SIPA1L1: variants seen among roughly 807,000 people sequenced by gnomAD.
SIPA1L1 encodes the protein signal-induced proliferation-associated 1-like protein 1.
A neutral mutation model predicts 162.7 loss-of-function variants in SIPA1L1; 26 were observed. The observed-to-expected ratio is 0.16, with a 90% CI of 0.12 to 0.22. SIPA1L1 has a LOEUF of 0.22. Among genes scored for constraint, SIPA1L1 ranks in the 10% least tolerant of loss-of-function variants. The pLI, the probability that SIPA1L1 is intolerant of heterozygous loss-of-function variation, is 1.00. For missense variants in SIPA1L1, 1,874 were observed against 2,241.0 expected, an observed-to-expected ratio of 0.84 and a Z score of 3.31; for synonymous variants, 829 against 837.4, an observed-to-expected ratio of 0.99 and a Z score of 0.17.
intron 6 of SIPA1L1, among the ~76,000 whole-genome samples, chr14:71,619,980 C>T (rs569953308): frequency 3.0e-4 from 45 of 152,258 alleles, no homozygotes; most frequent in African/African-American, 1.1e-3. Flanking sequence ...TTTTTGAGCA[C>T]AAAGGCACGA....
chr14:71,567,893 G>C (rs1448198755), intron 4 of SIPA1L1, among the ~76,000 whole-genome samples: 1 of 152,222 alleles, frequency 6.6e-6, no homozygotes, highest in Non-Finnish European at 1.5e-5. Flanking sequence ...CCCCTTTTTA[G>C]ACCATATAGG....
At chr14:71,365,648 G>A (rs1488515925) in intron 2 of SIPA1L1, among the ~76,000 whole-genome samples, 1 of 151,708 alleles carries the variant, frequency 6.6e-6, no homozygotes, top group Non-Finnish European at 1.5e-5. Flanking sequence ...ATATATTATT[G>A]CATTCTTCCT....
At chr14:71,698,657 T>G (rs1047886155) in intron 13 of SIPA1L1, among the ~76,000 whole-genome samples, 7 of 152,232 alleles carry the variant, frequency 4.6e-5, no homozygotes, top group Admixed American at 4.6e-4. Context: ...TCAATTATCT[T>G]CTGCTCTGCC....
At chr14:71,482,803 G>A (rs929739080) in intron 2 of SIPA1L1, among the ~76,000 whole-genome samples, 3 of 152,324 alleles carry the variant, frequency 2.0e-5, no homozygotes, top group African/African-American at 7.2e-5. Context: ...CTTTTAGCCA[G>A]TTGGTAGATT....
intron 4 of SIPA1L1, among the ~76,000 whole-genome samples, chr14:71,553,570 A>C (rs577863959): frequency 6.6e-6 from 1 of 152,258 alleles, no homozygotes; most frequent in East Asian, 1.9e-4. Context: ...TTCAGAGCTT[A>C]TTTTTTCTTA....
At position 71,377,702 on chromosome 14, in the gene SIPA1L1, AGTG is replaced by A. The variant is rs1453428380; in HGVS notation, c.-465+56522_-465+56524del. Among the ~76,000 whole-genome samples, 1 of 152,204 alleles carries A rather than the reference AGTG, an allele frequency of 6.6e-6. No homozygotes were observed. Among genetic ancestry groups the A allele is most frequent in the African/African-American group, 2.4e-5 (1 of 41,462 alleles). On this transcript the variant is annotated intron_variant, in intron 2 of 23. Transcript: ENST00000381232. This position sits in a 1 kb window ranked among gnomAD's most constrained non-coding sequence, Gnocchi z 4.8. ...CGTGGGCAACATTGAGCACTGAGTG[AGTG>A]AGACTCCGTCTGCAATCCTGGCACC...
intron 2 of SIPA1L1, among the ~76,000 whole-genome samples, chr14:71,494,677 C>G (rs1297013345): frequency 6.6e-6 from 1 of 152,056 alleles, no homozygotes; most frequent in African/African-American, 2.4e-5. Flanking sequence ...TAGGCACACG[C>G]AACCTCATCC....
chr14:71,710,729 A>G (rs1000968969), intron 17 of SIPA1L1, among the ~76,000 whole-genome samples: 1 of 149,638 alleles, frequency 6.7e-6, no homozygotes, highest in African/African-American at 2.5e-5. Context: ...AATCGCTTGA[A>G]CCCAGGAGGC....
intron 20 of SIPA1L1, among the ~76,000 whole-genome samples, chr14:71,732,954 T>A: frequency 6.6e-6 from 1 of 152,258 alleles, no homozygotes; most frequent in East Asian, 1.9e-4. Context: ...GGCTCACGCC[T>A]GTAATCCTAG....
At chr14:71,354,307 TCACG>T in intron 2 of SIPA1L1, among the ~76,000 whole-genome samples, 1 of 145,594 alleles carries the variant, frequency 6.9e-6, no homozygotes. Flanking sequence ...TGAGATGGAG[TCACG>T]CTCTGTTGCC....
rs568393045 is a variant in SIPA1L1 at position 71,632,326 on chromosome 14, C to T, written c.1818+8090C>T. Among the ~76,000 whole-genome samples the T allele has an allele frequency of 6.6e-5, 10 of 152,238 alleles. No individual in the cohort carries two copies. In the South Asian group the frequency reaches 2.1e-3, roughly 32 times the overall value. On this transcript the variant is annotated intron_variant, in intron 7 of 23. Transcript: ENST00000381232. ...TGAAGAAGTCAGCAAACTGGAAATG[C>T]CTATAGGCACAGCCAAAATGTCCCC...
chr14:71,599,105 A>T (rs1042596180), intron 5 of SIPA1L1, among the ~76,000 whole-genome samples: 1 of 149,546 alleles, frequency 6.7e-6, no homozygotes, highest in Non-Finnish European at 1.5e-5. Flanking sequence ...AATGATCTGC[A>T]GTTCCATCCA....
intron 2 of SIPA1L1, among the ~76,000 whole-genome samples, chr14:71,358,900 A>T (rs758132528): frequency 3.5e-4 from 53 of 152,148 alleles, no homozygotes; most frequent in Non-Finnish European, 1.3e-4. Flanking sequence ...CACCAAAGGG[A>T]TGGTGCTAAA....
chr14:71,690,989 C>G (rs907828355), intron 13 of SIPA1L1, among the ~76,000 whole-genome samples: 2 of 152,210 alleles, frequency 1.3e-5, no homozygotes, highest in Non-Finnish European at 2.9e-5. Flanking sequence ...GTGTGTTACC[C>G]ACCTTGGTGG....
At chr14:71,683,132 C>T (rs1202365210) in intron 12 of SIPA1L1, among the ~76,000 whole-genome samples, 5 of 152,040 alleles carry the variant, frequency 3.3e-5, no homozygotes, top group Admixed American at 2.6e-4. Flanking sequence ...CCAGCCTAGG[C>T]GACACAGCAA....
At chr14:71,330,263 A>G in intron 2 of SIPA1L1, 1 of 693,874 alleles carries the variant, frequency 1.4e-6, no homozygotes, top group South Asian at 1.6e-5. Context: ...GGCTGAAAGT[A>G]GAAGTGGCTC....
At chr14:71,528,677 T>C (rs1051266117) in intron 3 of SIPA1L1, 4 of 152,088 alleles carry the variant, frequency 2.6e-5, no homozygotes, top group African/African-American at 4.8e-5. Flanking sequence ...AATAATTCTA[T>C]TTTTTCCCCT....
chr14:71,377,957 C>T lies in SIPA1L1; in HGVS notation c.-465+56776C>T, dbSNP rs139143040. Among the ~76,000 whole-genome samples, 18 of 152,044 alleles carry T rather than the reference C, an allele frequency of 1.2e-4. No individual in the cohort carries two copies. Among genetic ancestry groups the T allele is most frequent in the Admixed American group, 2.0e-4 (3 of 15,288 alleles). On this transcript the variant is annotated intron_variant, in intron 2 of 23. Coordinates refer to ENST00000381232, the MANE Select transcript of SIPA1L1 (RefSeq NM_001386936.1). This position sits in a 1 kb window ranked among gnomAD's most constrained non-coding sequence, Gnocchi z 4.8. ...TCCAGCCTCGGCAACCGAGGGAGAC[C>T]GTGGAAAGCAGGAGATGGAGACGAG...
At chr14:71,534,605 T>A (rs1037530913) in intron 4 of SIPA1L1, among the ~76,000 whole-genome samples, 3 of 152,204 alleles carry the variant, frequency 2.0e-5, no homozygotes, top group Non-Finnish European at 4.4e-5. Context: ...ACAAACCAAT[T>A]GAATAAAATT....
Sources: allele counts gnomAD v4.1 joint callset (sites outside exome capture counted in the v4.1 genomes callset), GRCh38; gene constraint gnomAD v4.1.1; non-coding constraint Gnocchi (gnomAD v3.1); transcripts MANE v1.5; gene names NCBI Gene and HGNC (gene_info 2026-07-23, HGNC 2026-07-21).